BTNL8: variants seen among roughly 807,000 people sequenced by gnomAD.
The protein encoded by BTNL8 is butyrophilin like 8.
BTNL8 carries 22 observed loss-of-function variants against 36.1 expected under a neutral mutation model. The ratio of observed to expected loss-of-function variants is 0.61; its 90% CI spans 0.44 to 0.87. The LOEUF is 0.87. Among genes scored for constraint, BTNL8 ranks in the 40% least tolerant of loss-of-function variants. The pLI is 0.00. For synonymous variants in BTNL8, 203 were observed against 235.6 expected, an observed-to-expected ratio of 0.86 and a Z score of 1.27; for missense variants, 526 against 616.9, an observed-to-expected ratio of 0.85 and a Z score of 1.56.
rs1455069096 is a variant in BTNL8, at chr5:180,948,384, G to A, written c.808+9G>A. 1.0e-5 allele frequency: 15 copies of A among 1,481,728 alleles called. 5 individuals carry two copies. In the Admixed American group the frequency reaches 2.7e-4, roughly 27 times the overall value. 91.8% of individuals were successfully genotyped at this position (1,481,728 alleles called of 1,614,324 possible). On this transcript the variant is annotated intron_variant, in intron 5 of 7. Coordinates refer to ENST00000340184, the MANE Select transcript of BTNL8 (RefSeq NM_001040462.3). ...AATCCAGGCGGAACTGGGTAAGTAT[G>A]TGTCATGTCCTGAGCCTCCCACACA...
intron 3 of BTNL8, among the ~76,000 whole-genome samples, chr5:180,917,458 T>C (rs7711792): frequency 0.016 from 1,502 of 95,904 alleles, 2 homozygotes; most frequent in African/African-American, 0.03. Flanking sequence ...TGAAAAATCA[T>C]AGGCCAACAA....
intron 3 of BTNL8, among the ~76,000 whole-genome samples, chr5:180,918,432 G>A (rs1223697600): frequency 6.6e-6 from 1 of 152,096 alleles, no homozygotes; most frequent in African/African-American, 2.4e-5. Context: ...GTTAACAAAC[G>A]CAGAGAAAGC....
Position 180,947,562 on chromosome 5 carries a change from A to G in BTNL8, c.724A>G (p.Ile242Val). Residue 242 changes from isoleucine (I) to valine (V), a missense_variant, in exon 4 of 8, where the codon ATA (isoleucine) becomes GTA (valine). Physicochemically the swap from Ile to Val is conservative, Grantham distance 29. Coordinates refer to ENST00000340184, the MANE Select transcript of BTNL8 (RefSeq NM_001040462.3). ...SWHLATKVLG[I>V]LCCGLFFGIV... ...GCACCTGGCTACCAAAGTACTGGGA[A>G]TACTCTGCTGTGGCCTATTTTTTGG... 6.2e-7 allele frequency: 1 copy of G among 1,614,080 alleles called. No individual in the cohort carries two copies. The highest frequency in any genetic ancestry group is 1.1e-5 in the South Asian group (1 of 91,084).
intron 3 of BTNL8, among the ~76,000 whole-genome samples, chr5:180,924,409 G>A (rs1020985668): frequency 1.3e-5 from 2 of 150,968 alleles, no homozygotes; most frequent in African/African-American, 4.8e-5. Flanking sequence ...CTCAGCACAC[G>A]TCCCTGACCA....
intron 3 of BTNL8, among the ~76,000 whole-genome samples, chr5:180,938,544 CTT>C (rs527307483): frequency 6.1e-4 from 83 of 137,134 alleles, no homozygotes; most frequent in Middle Eastern, 3.9e-3. Context: ...TCCTTTCTTT[CTT>C]TTTTTTTTTT....
At position 180,915,243 on chromosome 5, in the gene BTNL8, T is replaced by G. The variant is rs529165771; in HGVS notation, c.673+3629T>G. ...CCCAGCCCTCCACACACCACCCCTG[T>G]GGCTAGAACCTCTTGGTCCATCACA... is the stretch of plus-strand genomic sequence containing the variant. On this transcript the variant is annotated intron_variant, in intron 3 of 7. Transcript: ENST00000340184. Among the ~76,000 whole-genome samples the G allele has an allele frequency of 3.3e-5, 5 of 152,298 alleles. No individual in the cohort carries two copies. The East Asian group carries it at 9.6e-4, about 29-fold the overall frequency.
chr5:180,917,911 C>G (rs1757712049), intron 3 of BTNL8, among the ~76,000 whole-genome samples: 1 of 151,808 alleles, frequency 6.6e-6, no homozygotes, highest in Non-Finnish European at 1.5e-5. Flanking sequence ...TGTGTGTAGT[C>G]CCAGCTACTT....
rs1756729977 is a variant in BTNL8, at chr5:180,899,458, C to T, written c.49+99C>T. 12 of 1,379,852 alleles carry T rather than the reference C, an allele frequency of 8.7e-6. No individual in the cohort carries two copies. In the Admixed American group the frequency reaches 1.5e-4, roughly 17 times the overall value. The allele number at this position is 1,379,852 out of a possible 1,614,324, so 85.5% of individuals were successfully genotyped here. On this transcript the variant is annotated intron_variant, in intron 1 of 7. Transcript: ENST00000340184. ...GGAATGAAGGCATCTTTGTCGTTTCCATTCCTTTGGCTTCTCCTAGCCTCA... is the reference window on the plus strand; with the variant it reads ...GGAATGAAGGCATCTTTGTCGTTTCTATTCCTTTGGCTTCTCCTAGCCTCA...
intron 3 of BTNL8, among the ~76,000 whole-genome samples, chr5:180,944,214 C>A (rs1453553442): frequency 6.6e-6 from 1 of 152,070 alleles, no homozygotes; most frequent in African/African-American, 2.4e-5. Flanking sequence ...CCAATGCATA[C>A]AAAGTTACAA....
intron 3 of BTNL8, among the ~76,000 whole-genome samples, chr5:180,939,412 T>C (rs1758817147): frequency 6.6e-6 from 1 of 152,074 alleles, no homozygotes; most frequent in African/African-American, 2.4e-5. Context: ...GCTATACTTA[T>C]ATTAGATAAG....
intron 1 of BTNL8, among the ~76,000 whole-genome samples, chr5:180,901,523 C>T (rs899911731): frequency 6.6e-6 from 1 of 152,156 alleles, no homozygotes; most frequent in Non-Finnish European, 1.5e-5. Flanking sequence ...AAATGGGGCT[C>T]ACCGTTCACA....
At chr5:180,918,865 T>C (rs1441047310) in intron 3 of BTNL8, among the ~76,000 whole-genome samples, 1 of 152,096 alleles carries the variant, frequency 6.6e-6, no homozygotes, top group Non-Finnish European at 1.5e-5. Context: ...GTGTCTAGAT[T>C]AGGATAGGGG....
Position 180,899,557 on chromosome 5 carries a change from C to T in BTNL8, c.49+198C>T, listed in dbSNP as rs183721164. Among the ~76,000 whole-genome samples, 383 of 152,226 alleles carry T rather than the reference C, an allele frequency of 2.5e-3. 2 individuals are homozygous for T. Among genetic ancestry groups the T allele is most frequent in the African/African-American group, 8.8e-3 (365 of 41,526 alleles). Reference sequence around the variant, plus strand: ...ATAATGGAAACACGGGTGTTGAAGACGCACCGTGATCGTTGACGGGGACAC... The same window carrying T: ...ATAATGGAAACACGGGTGTTGAAGATGCACCGTGATCGTTGACGGGGACAC... On this transcript the variant is annotated intron_variant, in intron 1 of 7. Transcript: ENST00000340184.
chr5:180,949,830 G>A, intron 7 of BTNL8, 74 bp from the exon 8 acceptor site: 1 of 1,400,242 alleles, frequency 7.1e-7, no homozygotes, highest in South Asian at 1.2e-5. Context: ...TGCAGTGGGA[G>A]GGTCGACCTC....
intron 3 of BTNL8, among the ~76,000 whole-genome samples, chr5:180,933,136 T>G (rs1185018275): frequency 6.6e-6 from 1 of 152,082 alleles, no homozygotes; most frequent in Non-Finnish European, 1.5e-5. Flanking sequence ...TATAACAATA[T>G]AAATATATAT....
intron 3 of BTNL8, among the ~76,000 whole-genome samples, chr5:180,921,220 T>C (rs145988959): frequency 0.21 from 31,256 of 152,042 alleles, 5,810 homozygotes; most frequent in African/African-American, 0.5. Context: ...TTCAAAAAGA[T>C]ACTTGCACTT....
intron 1 of BTNL8, among the ~76,000 whole-genome samples, chr5:180,904,885 C>G (rs867926675): frequency 1.3e-5 from 2 of 152,138 alleles, no homozygotes; most frequent in South Asian, 2.1e-4. Context: ...CCCACTTGAC[C>G]ATGGTGGATA....
At chr5:180,945,916 C>T (rs1461805604) in intron 3 of BTNL8, 8 of 276,282 alleles carry the variant, frequency 2.9e-5, no homozygotes, top group Non-Finnish European at 6.5e-5. Flanking sequence ...AAGTGCTCTT[C>T]CTTGAATGGA....
intron 3 of BTNL8, among the ~76,000 whole-genome samples, chr5:180,919,179 G>A (rs1204172289): frequency 7.2e-5 from 11 of 152,196 alleles, no homozygotes; most frequent in African/African-American, 2.7e-4. Context: ...CTATATGATA[G>A]TCCAGTTGGG....
Sources: allele counts gnomAD v4.1 joint callset (sites outside exome capture counted in the v4.1 genomes callset), GRCh38; gene constraint gnomAD v4.1.1; transcripts MANE v1.5; gene names NCBI Gene and HGNC (gene_info 2026-07-23, HGNC 2026-07-21).